POP1: variants seen among roughly 807,000 people sequenced by gnomAD.
POP1 encodes POP1 ribonuclease P/MRP subunit.
In POP1, 75 loss-of-function variants were observed where a neutral mutation model predicts 102.2. That is an observed-to-expected ratio of 0.73 (90% CI 0.61 to 0.89). The LOEUF (loss-of-function observed/expected upper bound fraction) is 0.89, where lower values mean the gene tolerates loss of function less well. Among genes scored for constraint, POP1 ranks in the 40% least tolerant of loss-of-function variants. The probability of loss-of-function intolerance (pLI) is 0.00; values close to 1 mark genes in which losing one functional copy is unlikely to be tolerated. For missense variants in POP1, 1,116 were observed against 1,267.4 expected (o/e 0.88, Z 1.81); for synonymous variants, 436 against 464.1 (o/e 0.94, Z 0.78).
Position 98,140,108 on chromosome 8 carries a change from C to T in POP1, c.1393C>T (p.Arg465Cys), listed in dbSNP as rs376649627. Residue 465 changes from arginine to cysteine, a missense_variant, in exon 10 of 16, where the codon CGC (arginine) becomes TGC (cysteine). Transcript: ENST00000401707. ...AGAGGACACAGAGGAGACACCTCAC[C>T]GCTGGTGGATAGAAACCTGTAAGAA... ...VGEDTEETPHRWWIETCKKPD... is the reference protein window; with the variant it reads ...VGEDTEETPHCWWIETCKKPD... The T allele has an allele frequency of 2.9e-5, 46 of 1,613,952 alleles. No individual in the cohort carries two copies. Among genetic ancestry groups the T allele is most frequent in the African/African-American group, 2.7e-4 (20 of 74,904 alleles).
At chr8:98,126,966 T>C (rs1470726868) in intron 2 of POP1, among the ~76,000 whole-genome samples, 1 of 152,144 alleles carries the variant, frequency 6.6e-6, no homozygotes, top group African/African-American at 2.4e-5. Flanking sequence ...TCTTACTGGG[T>C]AGCTTATAAA....
intron 7 of POP1, 152 bp downstream of exon 7, chr8:98,134,811 AT>A: frequency 1.1e-6 from 1 of 883,874 alleles, no homozygotes; most frequent in East Asian, 2.6e-5. Flanking sequence ...AATGAAGTGA[AT>A]TTTTAAAAAA....
At chr8:98,157,486 T>A (rs28549184) in intron 15 of POP1, 131 bp from the exon 16 acceptor site, 2 of 1,093,944 alleles carry the variant, frequency 1.8e-6, no homozygotes, top group Non-Finnish European at 2.6e-6. Flanking sequence ...TTCTAATTTT[T>A]AAAAAATTGT....
In POP1 at chr8:98,151,740, C is replaced by CTTTTTTTTT. The variant is rs755019200; in HGVS notation, c.2057+1113_2057+1121dup. Among the ~76,000 whole-genome samples the CTTTTTTTTT allele has an allele frequency of 3.5e-5, 4 of 112,930 alleles. 1 individual carries two copies. Among genetic ancestry groups the CTTTTTTTTT allele is most frequent in the African/African-American group, 3.6e-5 (1 of 27,510 alleles). The allele number at this position is 112,930 out of a possible 152,430, so 74.1% of individuals were successfully genotyped here. Reference sequence around the variant, plus strand: ...AGAGACAGGCAGTCTGCCTGGCTTGCTTTTTTTTTTTTTTTTTTTTGAGGC... The same window carrying CTTTTTTTTT: ...AGAGACAGGCAGTCTGCCTGGCTTGCTTTTTTTTTTTTTTTTTTTTTTTTTTTTTGAGGC... On this transcript the variant is annotated intron_variant, in intron 14 of 15. Transcript: ENST00000401707.
In POP1 at chr8:98,117,349, G is replaced by T; in HGVS notation, c.-44G>T. The T allele has an allele frequency of 1.9e-6, 1 of 526,584 alleles. No individual in the cohort carries two copies. Among genetic ancestry groups the T allele is most frequent in the South Asian group, 2.1e-5 (1 of 47,760 alleles). The allele number at this position is 526,584 out of a possible 1,614,324, so 32.6% of individuals were successfully genotyped here. A position where few individuals can be genotyped will look rare whatever the true frequency, so the allele number is the denominator to read the frequency against. The stretch of plus-strand genomic sequence containing the variant: ...TGGCTCGGTGGGTACTGTCGCGGAG[G>T]CTTGTCATTCTGACCCGGGGATTCC... On this transcript the variant is annotated 5_prime_UTR_variant, in exon 1 of 16. Coordinates refer to ENST00000401707, the MANE Select transcript of POP1 (RefSeq NM_001145860.2).
chr8:98,127,275 A>G (rs1461604391), intron 2 of POP1, among the ~76,000 whole-genome samples: 4 of 152,170 alleles, frequency 2.6e-5, no homozygotes, highest in Admixed American at 6.5e-5. Flanking sequence ...CATTCAGACC[A>G]TAGCAGGGAG....
chr8:98,142,356 T>C (rs1563779979), intron 11 of POP1, among the ~76,000 whole-genome samples: 2 of 152,190 alleles, frequency 1.3e-5, no homozygotes, highest in East Asian at 1.9e-4. Context: ...CATTCCCAGC[T>C]AGAGAGCTTT....
intron 14 of POP1, among the ~76,000 whole-genome samples, chr8:98,154,617 G>A (rs2130633177): frequency 6.6e-6 from 1 of 152,268 alleles, no homozygotes; most frequent in Admixed American, 6.5e-5. Flanking sequence ...GTTATTGGAA[G>A]GATGATTTAG....
At chr8:98,137,486 C>G (rs1223288672) in intron 9 of POP1, among the ~76,000 whole-genome samples, 1 of 152,054 alleles carries the variant, frequency 6.6e-6, no homozygotes, top group Non-Finnish European at 1.5e-5. Flanking sequence ...CAGGGTTTCA[C>G]CATGTTGGAC....
rs576903200 is a variant in POP1 at position 98,132,168 on chromosome 8, G to A, written c.736-1781G>A. On this transcript the variant is annotated intron_variant, in intron 5 of 15. Transcript: ENST00000401707. ...GAGTGCTTAATATATGCCCTACCCT[G>A]TTTTAAATGGTTTGCATGTGTTTAC... is the stretch of plus-strand genomic sequence containing the variant. 4.6e-5 allele frequency among the ~76,000 whole-genome samples: 7 copies of A among 152,284 alleles called. No individual in the cohort carries two copies. The South Asian group carries it at 1.5e-3, about 32-fold the overall frequency.
At chr8:98,122,791 A>C (rs1816068717) in intron 1 of POP1, among the ~76,000 whole-genome samples, 1 of 152,186 alleles carries the variant, frequency 6.6e-6, no homozygotes, top group African/African-American at 2.4e-5. Context: ...AAAATAGAGA[A>C]CAGCTGCTTC....
At chr8:98,140,422 T>G (rs986484425) in intron 10 of POP1, among the ~76,000 whole-genome samples, 26 of 152,222 alleles carry the variant, frequency 1.7e-4, no homozygotes, top group Admixed American at 1.7e-3. Flanking sequence ...ATTCTGATAG[T>G]GGAGATAAAT....
At position 98,150,581 on chromosome 8, in the gene POP1, C is replaced by T. The variant is rs758939833; in HGVS notation, c.1999C>T (p.Pro667Ser). The change falls in exon 14 of 16, where the codon CCT becomes TCT. Residue 667 changes from proline to serine, a missense_variant. Pro to Ser is a moderately conservative substitution (Grantham distance 74, BLOSUM62 -1). Coordinates refer to ENST00000401707, the MANE Select transcript of POP1 (RefSeq NM_001145860.2). ...PNVPGDFPDC[P>S]AGMLFAEEQA... ...TGTCCCAGGCGATTTTCCAGACTGC[C>T]CTGCCGGGATGCTGTTTGCGGAAGA... The T allele has an allele frequency of 4.3e-6, 7 of 1,614,158 alleles. No individual in the cohort carries two copies. The highest frequency in any genetic ancestry group is 1.1e-5 in the South Asian group (1 of 91,074).
intron 11 of POP1, among the ~76,000 whole-genome samples, chr8:98,141,681 G>A (rs984938586): frequency 6.0e-5 from 9 of 151,046 alleles, no homozygotes; most frequent in African/African-American, 2.2e-4. Flanking sequence ...AGCCTCCTGA[G>A]TAGCTGAAAT....
chr8:98,127,518 A>T, intron 2 of POP1, 77 bp from the exon 3 acceptor site: 1 of 1,553,786 alleles, frequency 6.4e-7, no homozygotes, highest in Non-Finnish European at 8.9e-7. Flanking sequence ...CAATGTTGCC[A>T]CCCAACAAAT....
chr8:98,155,884 T>C (rs1459970440), intron 14 of POP1, 166 bp from the exon 15 acceptor site: 1 of 788,992 alleles, frequency 1.3e-6, no homozygotes, highest in Non-Finnish European at 2.0e-6. Context: ...CTATTATTCT[T>C]TATCATATGT....
rs1816556352 is a variant in POP1, at chr8:98,136,750, A to G, written c.1268+12A>G. On this transcript the variant is annotated intron_variant, in intron 8 of 15. Coordinates refer to ENST00000401707, the MANE Select transcript of POP1 (RefSeq NM_001145860.2). ...GGCATTATAATCAGGTATGAGTTGA[A>G]TTTGCTTTGAACCTACTGAACATTT... 3 of 1,613,852 alleles carry G rather than the reference A, an allele frequency of 1.9e-6. No individual in the cohort carries two copies. The East Asian group carries it at 6.7e-5, about 36-fold the overall frequency.
Position 98,148,951 on chromosome 8 carries a change from G to T in POP1, c.1847G>T (p.Ser616Ile). Residue 616 changes from serine (S) to isoleucine (I), a missense_variant, in exon 13 of 16, where the codon AGT (serine) becomes ATT (isoleucine). Physicochemically the swap from Ser to Ile is moderately radical, Grantham distance 142. Coordinates refer to ENST00000401707, the MANE Select transcript of POP1 (RefSeq NM_001145860.2). ...GGTGAAGATCGACTAGGCTGGGGAA[G>T]TGGCTGGGATGTCCTACTCCCAAAG... ...VTGEDRLGWG[S>I]GWDVLLPKGW... 1 of 1,613,810 alleles carries T rather than the reference G, an allele frequency of 6.2e-7. No homozygotes were observed. The highest frequency in any genetic ancestry group is 8.5e-7 in the Non-Finnish European group (1 of 1,179,840).
At chr8:98,154,883 GT>G (rs1221877306) in intron 14 of POP1, among the ~76,000 whole-genome samples, 1 of 152,130 alleles carries the variant, frequency 6.6e-6, no homozygotes, top group East Asian at 1.9e-4. Context: ...AAGATATTTT[GT>G]TAAATGAAAA....
Sources: allele counts gnomAD v4.1 joint callset (sites outside exome capture counted in the v4.1 genomes callset), GRCh38; gene constraint gnomAD v4.1.1; transcripts MANE v1.5; gene names NCBI Gene and HGNC (gene_info 2026-07-23, HGNC 2026-07-21).